ANO10: variants seen among roughly 807,000 people sequenced by gnomAD.
ANO10 encodes anoctamin-10.
ANO10 carries 77 observed loss-of-function variants against 74.7 expected under a neutral mutation model. The ratio of observed to expected loss-of-function variants is 1.03; its 90% CI spans 0.86 to 1.25. The LOEUF is 1.25. Ranked by LOEUF, ANO10 falls within the 50% of genes most tolerant of loss-of-function variation. The probability of loss-of-function intolerance (pLI) is 0.00; values close to 1 mark genes in which losing one functional copy is unlikely to be tolerated. For missense variants in ANO10, 721 were observed against 778.1 expected (o/e 0.93, Z 0.87); for synonymous variants, 279 against 284.9 (o/e 0.98, Z 0.21).
intron 11 of ANO10, among the ~76,000 whole-genome samples, chr3:43,441,985 T>G (rs189827211): frequency 1.3e-5 from 2 of 150,832 alleles, no homozygotes; most frequent in East Asian, 3.9e-4. Flanking sequence ...AAAGTAGGAG[T>G]AAAAAGAAAT....
At chr3:43,591,640 G>C (rs1452237029) in intron 4 of ANO10, among the ~76,000 whole-genome samples, 1 of 152,180 alleles carries the variant, frequency 6.6e-6, no homozygotes, top group Non-Finnish European at 1.5e-5. Context: ...TGGCCGAATA[G>C]GAAAAGCTCC....
chr3:43,549,602 C>T, intron 11 of ANO10, 118 bp downstream of exon 11: 1 of 1,197,208 alleles, frequency 8.4e-7, no homozygotes, highest in Non-Finnish European at 1.2e-6. Flanking sequence ...TTTTTGCTTT[C>T]TTACCAGTAA....
At chr3:43,412,130 T>C (rs182738787) in intron 12 of ANO10, among the ~76,000 whole-genome samples, 139 of 151,502 alleles carry the variant, frequency 9.2e-4, no homozygotes, top group African/African-American at 2.9e-3. Flanking sequence ...TAAATGGACA[T>C]TTGATGGCTC....
At chr3:43,594,580 C>T (rs527860351) in intron 4 of ANO10, among the ~76,000 whole-genome samples, 1 of 152,286 alleles carries the variant, frequency 6.6e-6, no homozygotes, top group South Asian at 2.1e-4. Context: ...AAAGACACAA[C>T]ATACCAGAAT....
At chr3:43,613,577 A>T (rs1438151988) in intron 1 of ANO10, among the ~76,000 whole-genome samples, 2 of 152,216 alleles carry the variant, frequency 1.3e-5, no homozygotes, top group Non-Finnish European at 2.9e-5. Flanking sequence ...ATTTTGTGTC[A>T]GAGTAATACA....
intron 11 of ANO10, among the ~76,000 whole-genome samples, chr3:43,465,062 TG>T (rs1343386269): frequency 6.6e-6 from 1 of 152,242 alleles, no homozygotes; most frequent in African/African-American, 2.4e-5. Context: ...GAAGATAATT[TG>T]TTTTTATTTG....
intron 11 of ANO10, among the ~76,000 whole-genome samples, chr3:43,477,865 C>T (rs1415929536): frequency 6.6e-6 from 1 of 152,160 alleles, no homozygotes; most frequent in East Asian, 1.9e-4. Context: ...GGACAGACCT[C>T]TTTGACTTTG....
intron 11 of ANO10, among the ~76,000 whole-genome samples, chr3:43,505,289 A>G (rs1403808768): frequency 6.6e-6 from 1 of 152,228 alleles, no homozygotes; most frequent in Non-Finnish European, 1.5e-5. Flanking sequence ...CAGTTAGAAT[A>G]AACATTTTCT....
At chr3:43,578,388 C>A (rs2081109419) in intron 5 of ANO10, among the ~76,000 whole-genome samples, 1 of 152,118 alleles carries the variant, frequency 6.6e-6, no homozygotes, top group African/African-American at 2.4e-5. Context: ...CCCAGCGACC[C>A]CAAATCCACT....
chr3:43,377,431 G>C (rs529488674), intron 12 of ANO10, among the ~76,000 whole-genome samples: 2 of 152,170 alleles, frequency 1.3e-5, no homozygotes, highest in Non-Finnish European at 2.9e-5. Flanking sequence ...CCTTGCCTGG[G>C]AGGAAGGGTG....
At chr3:43,667,201 C>T (rs2084003384) in intron 1 of ANO10, among the ~76,000 whole-genome samples, 1 of 148,888 alleles carries the variant, frequency 6.7e-6, no homozygotes, top group Non-Finnish European at 1.5e-5. Flanking sequence ...AGCAATTCTC[C>T]TGCCTCAGCC....
chr3:43,454,317 G>T (rs1048384923), intron 11 of ANO10, among the ~76,000 whole-genome samples: 1 of 152,212 alleles, frequency 6.6e-6, no homozygotes, highest in African/African-American at 2.4e-5. Context: ...TCATAGTGAG[G>T]ACATTGACTT....
intron 4 of ANO10, among the ~76,000 whole-genome samples, chr3:43,588,704 A>G (rs988292631): frequency 2.6e-5 from 4 of 152,196 alleles, no homozygotes; most frequent in African/African-American, 9.6e-5. Flanking sequence ...GCAAACTAAA[A>G]TAAGGCAAGA....
chr3:43,574,232 A>G (rs992755521), intron 7 of ANO10, among the ~76,000 whole-genome samples: 2 of 149,240 alleles, frequency 1.3e-5, no homozygotes, highest in Admixed American at 6.7e-5. Context: ...CTGGGATTAC[A>G]GGCATGTGCT....
intron 11 of ANO10, among the ~76,000 whole-genome samples, chr3:43,536,091 T>C (rs1434231865): frequency 6.6e-6 from 1 of 152,244 alleles, no homozygotes; most frequent in Non-Finnish European, 1.5e-5. Context: ...CTTAAAAAGT[T>C]TCTTGGCTTA....
chr3:43,457,327 G>A lies in ANO10; in HGVS notation c.1798-24600C>T, dbSNP rs564095788. 5.9e-5 allele frequency among the ~76,000 whole-genome samples: 9 copies of A among 152,286 alleles called. 1 individual carries two copies. In the East Asian group the frequency reaches 1.2e-3, roughly 20 times the overall value. ...GCTATGAAGAACTTCCCTGAGACTG[G>A]GTAATTTACAAAGGAAAGAGGTTTA... is the stretch of plus-strand genomic sequence containing the variant. On this transcript the variant is annotated intron_variant, in intron 11 of 12. Coordinates refer to ENST00000292246, the MANE Select transcript of ANO10 (RefSeq NM_018075.5).
chr3:43,476,316 C>T (rs1398379164), intron 11 of ANO10, among the ~76,000 whole-genome samples: 3 of 152,166 alleles, frequency 2.0e-5, no homozygotes, highest in African/African-American at 7.2e-5. Flanking sequence ...TGGTGATATC[C>T]ATGTACCCAT....
chr3:43,579,726 A>C (rs1285271977), intron 5 of ANO10, among the ~76,000 whole-genome samples: 1 of 152,220 alleles, frequency 6.6e-6, no homozygotes, highest in African/African-American at 2.4e-5. Flanking sequence ...TCTCAAAACA[A>C]AAACTAAAAC....
rs547004140 is a variant in ANO10, at chr3:43,470,236, G to A, written c.1798-37509C>T. Among the ~76,000 whole-genome samples, 4 of 152,296 alleles carry A rather than the reference G, an allele frequency of 2.6e-5. No homozygotes were observed. The South Asian group carries it at 8.3e-4, about 32-fold the overall frequency. ...TAAGTAAAAGGAGCAGGTCTGAAAA[G>A]GCTACCTACTGAATGATTCCAACAT... is the stretch of plus-strand genomic sequence containing the variant. On this transcript the variant is annotated intron_variant, in intron 11 of 12. Transcript: ENST00000292246.
Sources: allele counts gnomAD v4.1 joint callset (sites outside exome capture counted in the v4.1 genomes callset), GRCh38; gene constraint gnomAD v4.1.1; transcripts MANE v1.5; gene names NCBI Gene and HGNC (gene_info 2026-07-23, HGNC 2026-07-21).